The following PIK3R3 variants were observed in gnomAD, a reference collection of about 807,000 sequenced individuals.
PIK3R3 encodes phosphatidylinositol 3-kinase regulatory subunit gamma.
A neutral mutation model predicts 62.9 loss-of-function variants in PIK3R3; 64 were observed. That is an observed-to-expected ratio of 1.02 (90% CI 0.83 to 1.25). PIK3R3 has a LOEUF of 1.25. Among genes scored for constraint, PIK3R3 ranks in the 50% most tolerant of loss-of-function variants. PIK3R3 has a pLI of 0.00. For synonymous variants in PIK3R3, 165 were observed against 189.0 expected, an observed-to-expected ratio of 0.87 and a Z score of 1.04; for missense variants, 614 against 561.6, an observed-to-expected ratio of 1.09 and a Z score of -0.94.
At chr1:46,085,681 T>A (rs1179985544) in intron 1 of PIK3R3, among the ~76,000 whole-genome samples, 1 of 152,206 alleles carries the variant, frequency 6.6e-6, no homozygotes, top group Non-Finnish European at 1.5e-5. Context: ...AAAAGGACTA[T>A]CTTGAGGGAA....
chr1:46,118,002 C>T (rs1571546897), intron 1 of PIK3R3, among the ~76,000 whole-genome samples: 1 of 149,762 alleles, frequency 6.7e-6, no homozygotes, highest in South Asian at 2.1e-4. Context: ...CACTTGAGCC[C>T]AGGAGGTCAA....
intron 5 of PIK3R3, among the ~76,000 whole-genome samples, chr1:46,064,434 G>A (rs558757409): frequency 1.3e-3 from 194 of 150,904 alleles, no homozygotes; most frequent in Middle Eastern, 0.01. Context: ...CCAGCTATTC[G>A]GGAGGCTGAG....
At position 46,041,472 on chromosome 1, in the gene PIK3R3, G is replaced by A. The variant is rs1021517658; in HGVS notation, c.*2201C>T. On this transcript the variant is annotated 3_prime_UTR_variant, in exon 10 of 10. Transcript: ENST00000262741. ...GGTACTTGGTCTCTCCCTGCACACC[G>A]CTGGTGTCTGCCCAACAAGGAGCAG... 4.6e-5 allele frequency: 8 copies of A among 174,648 alleles called. No individual in the cohort carries two copies. The highest frequency in any genetic ancestry group is 5.0e-5 in the Non-Finnish European group (4 of 80,746). 10.8% of individuals were successfully genotyped at this position (174,648 alleles called of 1,614,324 possible). A position where few individuals can be genotyped will look rare whatever the true frequency, so the allele number is the denominator to read the frequency against.
chr1:46,073,591 T>C (rs1649743614), intron 3 of PIK3R3, among the ~76,000 whole-genome samples: 1 of 152,044 alleles, frequency 6.6e-6, no homozygotes, highest in African/African-American at 2.4e-5. Context: ...TTTTCATCCA[T>C]GTTTCAGCCA....
At chr1:46,139,359 A>G in the PIK3R3 span, among the ~76,000 whole-genome samples, 1 of 151,654 alleles carries the variant, frequency 6.6e-6, no homozygotes, top group Non-Finnish European at 1.5e-5. Context: ...AGGCTGGAGT[A>G]CAATGGCATG....
At position 46,045,910 on chromosome 1, in the gene PIK3R3, A is replaced by G; in HGVS notation, c.1187+8T>C. 6.2e-7 allele frequency: 1 copy of G among 1,608,126 alleles called. No homozygotes were observed. The highest frequency in any genetic ancestry group is 1.3e-5 in the African/African-American group (1 of 74,852). On this transcript the variant is annotated splice_region_variant and intron_variant, in intron 9 of 9. Coordinates refer to ENST00000262741, the MANE Select transcript of PIK3R3 (RefSeq NM_003629.4). ...TTTCAAAAGGTTATATCCCCAGAGA[A>G]GACTTACACCACAGAGCAAGCATAG... is the stretch of plus-strand genomic sequence containing the variant.
intron 1 of PIK3R3, among the ~76,000 whole-genome samples, chr1:46,130,346 TAGGGGGAAACAA>T (rs1446783125): frequency 2.6e-5 from 4 of 152,142 alleles, no homozygotes; most frequent in Admixed American, 2.6e-4. Flanking sequence ...GCTTTACCGT[TAGGGGGAAACAA>T]AGGGGGAAAG....
At chr1:46,059,468 T>G (rs1257759004) in intron 6 of PIK3R3, among the ~76,000 whole-genome samples, 1 of 152,210 alleles carries the variant, frequency 6.6e-6, no homozygotes, top group African/African-American at 2.4e-5. Flanking sequence ...CTCTGAACCC[T>G]TATGGTAATG....
At chr1:46,144,035 G>C in the PIK3R3 span, among the ~76,000 whole-genome samples, 2 of 152,062 alleles carry the variant, frequency 1.3e-5, no homozygotes, top group South Asian at 2.1e-4. Flanking sequence ...TTCTCAATTT[G>C]TACATGACTG....
At chr1:46,102,944 G>C (rs1348680394) in intron 1 of PIK3R3, among the ~76,000 whole-genome samples, 1 of 151,666 alleles carries the variant, frequency 6.6e-6, no homozygotes. Context: ...CAGATTAATG[G>C]ATAAACAAAA....
chr1:46,162,324 A>G, the PIK3R3 span, among the ~76,000 whole-genome samples: 1 of 151,898 alleles, frequency 6.6e-6, no homozygotes, highest in Non-Finnish European at 1.5e-5. Flanking sequence ...CTCTACAAAA[A>G]AATATAAAAA....
chr1:46,070,098 C>A (rs1649350836), intron 3 of PIK3R3, among the ~76,000 whole-genome samples: 3 of 152,076 alleles, frequency 2.0e-5, no homozygotes, highest in African/African-American at 2.4e-5. Context: ...AGGGAAGTAT[C>A]TAGAAAGAGA....
At chr1:46,171,397 G>C in the PIK3R3 span, among the ~76,000 whole-genome samples, 1 of 152,334 alleles carries the variant, frequency 6.6e-6, no homozygotes, top group South Asian at 2.1e-4. Context: ...GGCTGAATGG[G>C]TAGGTGTGGG....
At chr1:46,150,398 A>G in the PIK3R3 span, among the ~76,000 whole-genome samples, 15 of 152,330 alleles carry the variant, frequency 9.8e-5, no homozygotes, top group Non-Finnish European at 1.9e-4. Context: ...TAAATGGAAT[A>G]TATAGGATAT....
At chr1:46,081,359 C>T (rs1037033711) in intron 1 of PIK3R3, among the ~76,000 whole-genome samples, 2 of 152,086 alleles carry the variant, frequency 1.3e-5, no homozygotes, top group Non-Finnish European at 2.9e-5. Context: ...CCCTAACCCC[C>T]GGGCTGCGGA....
At position 46,061,989 on chromosome 1, in the gene PIK3R3, T is replaced by G. The variant is rs767300483; in HGVS notation, c.704A>C (p.Gln235Pro). 62 of 1,612,506 alleles carry G rather than the reference T, an allele frequency of 3.8e-5. No individual in the cohort carries two copies. Among genetic ancestry groups the G allele is most frequent in the Non-Finnish European group, 5.3e-5 (62 of 1,178,672 alleles). ...IFEEQCHTQEQHSKEYIERFR... is the reference protein window; with the variant it reads ...IFEEQCHTQEPHSKEYIERFR... ...TCGCTCAATATATTCTTTGCTATGT[T>G]GTTCTTGTGTGTGACACTGCTCTTC... Residue 235 changes from glutamine to proline, a missense_variant, in exon 6 of 10, where the codon CAA (glutamine) becomes CCA (proline). By Grantham distance (76) the Gln-to-Pro change is moderately conservative. Coordinates refer to ENST00000262741, the MANE Select transcript of PIK3R3 (RefSeq NM_003629.4).
chr1:46,140,199 G>A, the PIK3R3 span, among the ~76,000 whole-genome samples: 1 of 152,128 alleles, frequency 6.6e-6, no homozygotes, highest in African/African-American at 2.4e-5. Context: ...TCCCTATGTT[G>A]TCCAGGCTGG....
rs1646978429 is a variant in PIK3R3, at chr1:46,040,575, C to T, written c.*3098G>A. 1 of 225,428 alleles carries T rather than the reference C, an allele frequency of 4.4e-6. No individual in the cohort carries two copies. The highest frequency in any genetic ancestry group is 8.8e-6 in the Non-Finnish European group (1 of 113,170). 14.0% of individuals were successfully genotyped at this position (225,428 alleles called of 1,614,324 possible). A position where few individuals can be genotyped will look rare whatever the true frequency, so the allele number is the denominator to read the frequency against. ...GGCCCAAGCAGGCCCCCTATCTGGA[C>T]CCTCTGGTTTCTGAGGCCACTGAAG... On this transcript the variant is annotated 3_prime_UTR_variant, in exon 10 of 10. Transcript: ENST00000262741.
intron 5 of PIK3R3, among the ~76,000 whole-genome samples, chr1:46,064,547 AT>A (rs1254612681): frequency 6.6e-6 from 1 of 152,208 alleles, no homozygotes; most frequent in African/African-American, 2.4e-5. Context: ...TCTCATAAAA[AT>A]ATCAATAATA....
Sources: gnomAD v4.1 joint callset for allele counts (sites outside exome capture counted in the v4.1 genomes callset) on GRCh38, gnomAD v4.1.1 for gene constraint, MANE v1.5 for transcripts, NCBI Gene and HGNC (gene_info 2026-07-23, HGNC 2026-07-21) for gene names.